Variants in USP24 observed in about 807,000 individuals in gnomAD.
USP24 encodes the protein ubiquitin specific peptidase 24, also known as ubiquitin carboxyl-terminal hydrolase 24.
Under a neutral mutation model 361.6 loss-of-function variants are expected in USP24, and 97 were observed. The observed-to-expected ratio is 0.27, with a 90% CI of 0.23 to 0.32. The LOEUF is 0.32. Among genes scored for constraint, USP24 ranks in the 10% least tolerant of loss-of-function variants. USP24 has a pLI of 1.00. For missense variants in USP24, 2,353 were observed against 3,165.6 expected, an observed-to-expected ratio of 0.74 and a Z score of 6.16; for synonymous variants, 1,098 against 1,124.6, an observed-to-expected ratio of 0.98 and a Z score of 0.47.
At chr1:55,135,986 G>A (rs551520179) in intron 28 of USP24, among the ~76,000 whole-genome samples, 14 of 152,226 alleles carry the variant, frequency 9.2e-5, no homozygotes, top group East Asian at 1.9e-4. Context: ...TGTCGAGGAC[G>A]CAGCAGTGAA....
At position 55,134,150 on chromosome 1, in the gene USP24, C is replaced by T. The variant is rs1392992625; in HGVS notation, c.3301G>A (p.Val1101Ile). The T allele has an allele frequency of 6.2e-7, 1 of 1,613,594 alleles. No homozygotes were observed. Among genetic ancestry groups the T allele is most frequent in the South Asian group, 1.1e-5 (1 of 91,040 alleles). Residue 1101 changes from valine (V) to isoleucine (I), a missense_variant, in exon 30 of 68, where the codon GTA becomes ATA. By Grantham distance (29) the Val-to-Ile change is conservative. Transcript: ENST00000294383. The stretch of plus-strand genomic sequence containing the variant: ...GGTATCAAGAGCAGAAGCTTCCGTA[C>T]TCGTAGAGTTATCCTGAAGTTTTTC... ...NLEEPRITLR[V>I]RKLLLLIPTD...
chr1:55,133,283 A>C (rs1434866057), intron 30 of USP24, among the ~76,000 whole-genome samples: 2 of 152,246 alleles, frequency 1.3e-5, no homozygotes, highest in East Asian at 3.8e-4. Flanking sequence ...TCCCTTAAGG[A>C]ACAACATTCT....
intron 1 of USP24, among the ~76,000 whole-genome samples, chr1:55,198,563 C>T (rs116809487): frequency 6.6e-6 from 1 of 152,320 alleles, no homozygotes; most frequent in East Asian, 1.9e-4. Flanking sequence ...TTATCAGCAT[C>T]CCTGGCCAGT....
rs149284676 is a variant in USP24 at position 55,072,347 on chromosome 1, T to A, written c.7659A>T (p.Gly2553=). Residue 2553 remains glycine, a synonymous_variant, in exon 66 of 68, where the codon GGA becomes GGT. Transcript: ENST00000294383. ...CTGAAATGGTTCGCTGAAAGGTTTT[T>A]CCAGTTGATGTTTCATTAGAGACAT... ...QSNVSNETST[G]KTFQRTISAQ... 2.5e-6 allele frequency: 4 copies of A among 1,613,832 alleles called. No individual in the cohort carries two copies. The highest frequency in any genetic ancestry group is 3.4e-6 in the Non-Finnish European group (4 of 1,179,848).
chr1:55,096,362 A>G (rs1385475336), intron 50 of USP24, 136 bp downstream of exon 50: 5 of 737,682 alleles, frequency 6.8e-6, no homozygotes, highest in African/African-American at 1.9e-5. Flanking sequence ...GAGCTTGCTC[A>G]TGGTTCTATT....
intron 30 of USP24, 133 bp downstream of exon 30, chr1:55,133,937 A>T: frequency 1.2e-6 from 1 of 862,262 alleles, no homozygotes; most frequent in Non-Finnish European, 1.8e-6. Context: ...TGGGCTGGTG[A>T]AGGTATTTTT....
chr1:55,113,174 A>G (rs1157094734), intron 38 of USP24, among the ~76,000 whole-genome samples: 1 of 152,212 alleles, frequency 6.6e-6, no homozygotes, highest in African/African-American at 2.4e-5. Flanking sequence ...GAAGAATCAA[A>G]TAGAATAAAA....
At chr1:55,112,148 C>T (rs1421332833) in intron 38 of USP24, among the ~76,000 whole-genome samples, 1 of 151,994 alleles carries the variant, frequency 6.6e-6, no homozygotes, top group Non-Finnish European at 1.5e-5. Flanking sequence ...TGGGAAATAT[C>T]AAAAGAAGTG....
intron 1 of USP24, among the ~76,000 whole-genome samples, chr1:55,178,670 C>T (rs981014466): frequency 3.6e-5 from 5 of 139,198 alleles, no homozygotes; most frequent in Non-Finnish European, 6.1e-5. Flanking sequence ...AGTGAGACTC[C>T]GTCTCAAAAT....
intron 41 of USP24, among the ~76,000 whole-genome samples, chr1:55,105,352 C>T (rs1249425983): frequency 6.6e-6 from 1 of 152,024 alleles, no homozygotes; most frequent in Non-Finnish European, 1.5e-5. Context: ...ACAGATTTTG[C>T]TAATGAGGCA....
intron 35 of USP24, among the ~76,000 whole-genome samples, 153 bp downstream of exon 35, chr1:55,124,316 C>T (rs953754759): frequency 6.6e-6 from 1 of 152,136 alleles, no homozygotes; most frequent in East Asian, 1.9e-4. Flanking sequence ...TACATAAATA[C>T]TAAGTGTATA....
intron 24 of USP24, among the ~76,000 whole-genome samples, chr1:55,140,201 T>C (rs1337011051): frequency 3.3e-5 from 5 of 151,962 alleles, no homozygotes; most frequent in Non-Finnish European, 7.4e-5. Flanking sequence ...TGATTCCGAA[T>C]AAAAAGCACT....
intron 8 of USP24, among the ~76,000 whole-genome samples, chr1:55,160,535 T>C (rs1374203904): frequency 2.0e-5 from 3 of 152,318 alleles, no homozygotes; most frequent in East Asian, 3.9e-4. Flanking sequence ...TCTGAAGTCA[T>C]ACAAGTAGCA....
rs546335043 is a variant in USP24, at chr1:55,067,274, G to A, written c.*1771C>T. The A allele has an allele frequency of 2.6e-5, 4 of 152,312 alleles. No individual in the cohort carries two copies. In the South Asian group the frequency reaches 8.3e-4, roughly 32 times the overall value. The allele number at this position is 152,312 out of a possible 1,614,324, so 9.4% of individuals were successfully genotyped here. A position where few individuals can be genotyped will look rare whatever the true frequency, so the allele number is the denominator to read the frequency against. On this transcript the variant is annotated 3_prime_UTR_variant, in exon 68 of 68. Coordinates refer to ENST00000294383, the MANE Select transcript of USP24 (RefSeq NM_015306.3). ...TGGTGAGGATGTGGGCGGAGAGAAG[G>A]TGAGAATAGGGTAGGGGAAACAGTA...
intron 10 of USP24, among the ~76,000 whole-genome samples, chr1:55,158,195 G>T (rs557773198): frequency 6.6e-6 from 1 of 152,212 alleles, no homozygotes; most frequent in Non-Finnish European, 1.5e-5. Flanking sequence ...AATTCTAGTT[G>T]TTCTGTTGCC....
chr1:55,109,345 GATT>G (rs2100545688), intron 39 of USP24, among the ~76,000 whole-genome samples: 1 of 152,298 alleles, frequency 6.6e-6, no homozygotes, highest in African/African-American at 2.4e-5. Flanking sequence ...TGTTGTTGAG[GATT>G]ATTAGTCACT....
chr1:55,189,781 A>G (rs1273188643), intron 1 of USP24, among the ~76,000 whole-genome samples: 1 of 152,290 alleles, frequency 6.6e-6, no homozygotes, highest in East Asian at 1.9e-4. Flanking sequence ...AAGTGGGTAT[A>G]TATCTAAGAA....
chr1:55,079,803 C>CAGAGTACTCACACAGAGTACTCAT, intron 59 of USP24, 144 bp from the exon 60 acceptor site: 1 of 1,069,762 alleles, frequency 9.3e-7, no homozygotes, highest in Non-Finnish European at 1.3e-6. Context: ...TGAGTACTCA[C>CAGAGTACTCACACAGAGTACTCAT]ACACTGAGTA....
At chr1:55,093,791 T>C in intron 52 of USP24, 146 bp downstream of exon 52, 8 of 1,137,630 alleles carry the variant, frequency 7.0e-6, no homozygotes, top group South Asian at 1.6e-5. Context: ...CTCTGTGTCG[T>C]GGCATAAAAG....
Sources: gnomAD v4.1 joint callset for allele counts (sites outside exome capture counted in the v4.1 genomes callset) on GRCh38, gnomAD v4.1.1 for gene constraint, MANE v1.5 for transcripts, NCBI Gene and HGNC (gene_info 2026-07-23, HGNC 2026-07-21) for gene names.